The following RBM28 variants were observed in gnomAD, a reference collection of about 807,000 sequenced individuals.
The protein encoded by RBM28 is RNA binding motif protein 28.
Under a neutral mutation model 98.3 loss-of-function variants are expected in RBM28, and 78 were observed. The observed-to-expected ratio is 0.79, with a 90% confidence interval of 0.66 to 0.96. The LOEUF is 0.96. Ranked by LOEUF, RBM28 falls within the 40% of genes least tolerant of loss-of-function variation. The pLI is 0.00. For missense variants in RBM28, 838 were observed against 913.0 expected, an observed-to-expected ratio of 0.92 and a Z score of 1.06; for synonymous variants, 306 against 330.9, an observed-to-expected ratio of 0.92 and a Z score of 0.82.
chr7:128,336,101 A>G, intron 6 of RBM28, 59 bp from the exon 7 acceptor site: 1 of 1,458,964 alleles, frequency 6.9e-7, no homozygotes, highest in African/African-American at 1.4e-5. Flanking sequence ...ATGTTATTTT[A>G]ACAAAAGTAA....
intron 1 of RBM28, among the ~76,000 whole-genome samples, chr7:128,341,543 C>T (rs536084186): frequency 1.2e-4 from 19 of 152,308 alleles, no homozygotes; most frequent in African/African-American, 3.4e-4. Flanking sequence ...ACATACCCTC[C>T]CTCCCGTTTC....
intron 12 of RBM28, among the ~76,000 whole-genome samples, chr7:128,323,966 C>T (rs1796292407): frequency 6.6e-6 from 1 of 152,130 alleles, no homozygotes; most frequent in African/African-American, 2.4e-5. Flanking sequence ...CTTAACTTTG[C>T]TGTTCCTTAT....
rs749555599 is a variant in RBM28 at position 128,314,793 on chromosome 7, C to A, written c.2016G>T (p.Ala672=). 2 of 1,614,184 alleles carry A rather than the reference C, an allele frequency of 1.2e-6. No individual in the cohort carries two copies. The highest frequency in any genetic ancestry group is 1.7e-5 in the Admixed American group (1 of 60,020). ...TTTTGGGGCCTCGGTGTGAGGGGAG[C>A]GCCAGGACCTTTCTTCTCTTCTTTC... ...PDGKKRRKVL[A]LPSHRGPKIR... Residue 672 remains alanine, a synonymous_variant, in exon 17 of 19, where the codon GCG becomes GCT. Transcript: ENST00000223073.
At chr7:128,313,383 T>A in intron 17 of RBM28, 109 bp from the exon 18 acceptor site, 1 of 1,046,862 alleles carries the variant, frequency 9.6e-7, no homozygotes, top group African/African-American at 1.6e-5. Flanking sequence ...GAAGTCATTC[T>A]AAAAAGGGAT....
intron 1 of RBM28, 128 bp downstream of exon 1, chr7:128,343,548 G>C: frequency 3.1e-6 from 2 of 651,088 alleles, no homozygotes; most frequent in South Asian, 5.0e-5. Context: ...AATCAGTTTG[G>C]AAAAGAAACT....
chr7:128,325,493 C>A (rs1303339712), intron 11 of RBM28, among the ~76,000 whole-genome samples: 1 of 152,194 alleles, frequency 6.6e-6, no homozygotes, highest in Non-Finnish European at 1.5e-5. Flanking sequence ...TCACAGACGA[C>A]CTTAATACCT....
At chr7:128,313,513 A>C (rs1562948182) in intron 17 of RBM28, among the ~76,000 whole-genome samples, 1 of 152,214 alleles carries the variant, frequency 6.6e-6, no homozygotes, top group Non-Finnish European at 1.5e-5. Context: ...GAAATTAAAA[A>C]GTCCCAGCTA....
In RBM28 at chr7:128,297,821, G is replaced by A. The variant is rs1795725399; in HGVS notation, c.*12976C>T. The A allele has an allele frequency of 6.6e-6, 1 of 151,906 alleles. No individual in the cohort carries two copies. Among genetic ancestry groups the A allele is most frequent in the East Asian group, 1.9e-4 (1 of 5,166 alleles). 9.4% of individuals were successfully genotyped at this position (151,906 alleles called of 1,614,324 possible). On this transcript the variant is annotated 3_prime_UTR_variant, in exon 19 of 19. Transcript: ENST00000223073. The stretch of plus-strand genomic sequence containing the variant: ...CATATGCAGCCATAAAAAATGATGA[G>A]TTCATGTCCTTTGTAGGGACACGGA...
intron 2 of RBM28, 79 bp downstream of exon 2, chr7:128,339,554 T>G (rs1796676587): frequency 2.6e-6 from 4 of 1,516,588 alleles, no homozygotes; most frequent in Admixed American, 1.7e-5. Context: ...AGAAGCTACC[T>G]CCATGCCTCC....
At position 128,330,897 on chromosome 7, in the gene RBM28, GTTC is replaced by G. The variant is rs778485107; in HGVS notation, c.1048_1050del (p.Glu350del). 25 of 1,613,816 alleles carry G rather than the reference GTTC, an allele frequency of 1.5e-5. No homozygotes were observed. The highest frequency in any genetic ancestry group is 2.7e-5 in the African/African-American group (2 of 74,886). On this transcript the variant is annotated inframe_deletion, in exon 10 of 19. Transcript: ENST00000223073. ...CCAAACTGTTGGAGAAGCTCCCCAA[GTTC>G]TTCTTCTTCTGAGTCAAAGGACAGA...
chr7:128,343,630 C>G (rs780916429), intron 1 of RBM28, 46 bp downstream of exon 1: 10 of 1,432,368 alleles, frequency 7.0e-6, no homozygotes, highest in Admixed American at 2.0e-5. Flanking sequence ...AAGGTGCCCT[C>G]GATCGCAGGA....
At chr7:128,339,031 T>C (rs1759582419) in intron 3 of RBM28, among the ~76,000 whole-genome samples, 196 bp downstream of exon 3, 1 of 152,198 alleles carries the variant, frequency 6.6e-6, no homozygotes, top group African/African-American at 2.4e-5. Context: ...AGTAGTAGTT[T>C]CCCCAAAAAG....
chr7:128,317,455 C>A (rs1358714045), intron 16 of RBM28, among the ~76,000 whole-genome samples: 1 of 152,188 alleles, frequency 6.6e-6, no homozygotes, highest in Admixed American at 6.5e-5. Flanking sequence ...CTCTCTCCTT[C>A]CTTTCCCTTC....
At chr7:128,337,661 G>A (rs570050666) in intron 5 of RBM28, among the ~76,000 whole-genome samples, 5 of 149,740 alleles carry the variant, frequency 3.3e-5, no homozygotes, top group Non-Finnish European at 7.4e-5. Flanking sequence ...AGGTTCAAGC[G>A]ATTCTCCTGC....
chr7:128,321,158 T>G lies in RBM28; in HGVS notation c.1563+108A>C, dbSNP rs958718317. On this transcript the variant is annotated intron_variant, in intron 14 of 18. Transcript: ENST00000223073. ...TACAGCCTGGGCAACAGAGTGAGACTTCGTCTCAAAACAAACAAACAAAAT... is the reference window on the plus strand; with the variant it reads ...TACAGCCTGGGCAACAGAGTGAGACGTCGTCTCAAAACAAACAAACAAAAT... The G allele has an allele frequency of 4.2e-6, 6 of 1,440,022 alleles. No individual in the cohort carries two copies. The East Asian group carries it at 1.4e-4, about 33-fold the overall frequency. 89.2% of individuals were successfully genotyped at this position (1,440,022 alleles called of 1,614,324 possible).
intron 10 of RBM28, among the ~76,000 whole-genome samples, chr7:128,330,578 C>T (rs1312859279): frequency 6.6e-6 from 1 of 151,850 alleles, no homozygotes; most frequent in African/African-American, 2.4e-5. Context: ...CACCGTGTTG[C>T]CCAGGCTGGT....
chr7:128,322,052 A>G (rs1796248212), intron 13 of RBM28, among the ~76,000 whole-genome samples: 1 of 150,406 alleles, frequency 6.6e-6, no homozygotes. Context: ...CGGTCAAAAA[A>G]AAAAAAAAAT....
Position 128,315,672 on chromosome 7 carries a change from AG to A in RBM28, c.1789-653del, listed in dbSNP as rs199908331. ...CTCTTCAGAAACCATGTAAGCAAGA[AG>A]GGAGTGAAGTGAGATATTTAATATT... On this transcript the variant is annotated intron_variant, in intron 16 of 18. Coordinates refer to ENST00000223073, the MANE Select transcript of RBM28 (RefSeq NM_018077.3). 9.8e-3 allele frequency among the ~76,000 whole-genome samples: 1,496 copies of A among 152,322 alleles called. 18 individuals carry two copies. Among genetic ancestry groups the A allele is most frequent in the African/African-American group, 0.034 (1,427 of 41,572 alleles).
intron 11 of RBM28, among the ~76,000 whole-genome samples, chr7:128,325,615 A>G (rs1796332830): frequency 6.6e-6 from 1 of 152,208 alleles, no homozygotes; most frequent in Non-Finnish European, 1.5e-5. Context: ...TAGAGATCAT[A>G]ATTCTGCCTA....
Sources: allele counts gnomAD v4.1 joint callset (sites outside exome capture counted in the v4.1 genomes callset), GRCh38; gene constraint gnomAD v4.1.1; transcripts MANE v1.5; gene names NCBI Gene and HGNC (gene_info 2026-07-23, HGNC 2026-07-21).